The following PTPRU variants were observed in gnomAD, a reference collection of about 807,000 sequenced individuals.
PTPRU encodes protein tyrosine phosphatase receptor type U.
PTPRU carries 69 observed loss-of-function variants against 166.3 expected under a neutral mutation model. The observed-to-expected ratio is 0.41, with a 90% CI of 0.34 to 0.51. The LOEUF (loss-of-function observed/expected upper bound fraction) is 0.51. PTPRU is among the 20% of genes least tolerant of loss of function. The pLI is 0.09. For missense variants in PTPRU, 1,657 were observed against 2,013.7 expected, an observed-to-expected ratio of 0.82 and a Z score of 3.39; for synonymous variants, 793 against 814.0, an observed-to-expected ratio of 0.97 and a Z score of 0.44.
At chr1:29,243,605 C>T (rs1163155969) in intron 1 of PTPRU, among the ~76,000 whole-genome samples, 1 of 152,252 alleles carries the variant, frequency 6.6e-6, no homozygotes, top group African/African-American at 2.4e-5. Context: ...GCGAAGCCTT[C>T]CCAGCCCTCT....
intron 26 of PTPRU, 153 bp from the exon 27 acceptor site, chr1:29,323,218 G>T (rs1009295177): frequency 1.6e-5 from 16 of 1,011,190 alleles, no homozygotes; most frequent in Non-Finnish European, 2.0e-5. Context: ...GGTGGTGATT[G>T]GGGGAGCTGC....
At chr1:29,283,838 C>T in intron 12 of PTPRU, 102 bp from the exon 13 acceptor site, 1 of 1,405,194 alleles carries the variant, frequency 7.1e-7, no homozygotes, top group Non-Finnish European at 1.0e-6. Context: ...CAGCACAAGA[C>T]AAAGCCCTGA....
chr1:29,300,678 T>C (rs1255763190), intron 15 of PTPRU, among the ~76,000 whole-genome samples: 4 of 152,204 alleles, frequency 2.6e-5, no homozygotes, highest in African/African-American at 9.7e-5. Flanking sequence ...CCAGCTAAAA[T>C]ATAGGAATCA....
At chr1:29,305,219 G>A (rs1687331627) in intron 17 of PTPRU, 133 bp from the exon 18 acceptor site, 1 of 805,758 alleles carries the variant, frequency 1.2e-6, no homozygotes, top group African/African-American at 1.7e-5. Context: ...AGAGACTACT[G>A]GTAAGCCCTG....
chr1:29,275,461 C>A lies in PTPRU; in HGVS notation c.1158C>A (p.Ala386=), dbSNP rs142038734. 6.2e-7 allele frequency: 1 copy of A among 1,613,520 alleles called. No individual in the cohort carries two copies. Among genetic ancestry groups the A allele is most frequent in the Non-Finnish European group, 8.5e-7 (1 of 1,179,478 alleles). ...TGCATTCTCCAGAGCCCATGAGGGC[C>A]CCCAAAGGCCTGGCTTTTGCTGAGA... is the stretch of plus-strand genomic sequence containing the variant. The part of the protein sequence containing the change: ...SRTKCAEPMR[A]PKGLAFAEIQ... The change falls in exon 8 of 30, where the codon GCC becomes GCA. Residue 386 remains alanine, a synonymous_variant. Coordinates refer to ENST00000373779, the MANE Select transcript of PTPRU (RefSeq NM_133178.4).
At position 29,323,549 on chromosome 1, in the gene PTPRU, C is replaced by A. The variant is rs1009334247; in HGVS notation, c.3954+53C>A. Reference sequence around the variant, plus strand: ...GGACCCTGGGTGGTGGCTGGGGCAGCTTTTAATGACCCTCTGTGTCATCAG... The same window carrying A: ...GGACCCTGGGTGGTGGCTGGGGCAGATTTTAATGACCCTCTGTGTCATCAG... On this transcript the variant is annotated intron_variant, in intron 27 of 29. Coordinates refer to ENST00000373779, the MANE Select transcript of PTPRU (RefSeq NM_133178.4). 9.3e-6 allele frequency: 15 copies of A among 1,611,118 alleles called. No homozygotes were observed. In the Admixed American group the frequency reaches 2.5e-4, roughly 27 times the overall value.
At position 29,312,539 on chromosome 1, in the gene PTPRU, A is replaced by G. The variant is rs775241594; in HGVS notation, c.3073-13A>G. ...GCCAGGGACTCTGATTATTATTCCC[A>G]TTGTCTCCCCAGAGAGGCTACTCTG... On this transcript the variant is annotated splice_polypyrimidine_tract_variant and intron_variant, in intron 21 of 29. Transcript: ENST00000373779. 12 of 1,571,826 alleles carry G rather than the reference A, an allele frequency of 7.6e-6. No homozygotes were observed. In the South Asian group the frequency reaches 1.0e-4, roughly 13 times the overall value.
In PTPRU at chr1:29,259,241, G is replaced by C. The variant is rs1290149333; in HGVS notation, c.478-20G>C. Reference sequence around the variant, plus strand: ...GCTGGAGGAATATCAGTATGATAGGGGCCCTCCCGCCTCCCCCAGGTGCTG... The same window carrying C: ...GCTGGAGGAATATCAGTATGATAGGCGCCCTCCCGCCTCCCCCAGGTGCTG... On this transcript the variant is annotated intron_variant, in intron 3 of 29. Transcript: ENST00000373779. 1 of 1,607,268 alleles carries C rather than the reference G, an allele frequency of 6.2e-7. No individual in the cohort carries two copies. Among genetic ancestry groups the C allele is most frequent in the East Asian group, 2.2e-5 (1 of 44,736 alleles).
chr1:29,313,757 A>G (rs1687773507), intron 22 of PTPRU, among the ~76,000 whole-genome samples: 1 of 152,202 alleles, frequency 6.6e-6, no homozygotes, highest in East Asian at 1.9e-4. Flanking sequence ...TGTGAGGCTG[A>G]GGTGGGAAGT....
chr1:29,301,421 A>G (rs111352321), intron 15 of PTPRU, among the ~76,000 whole-genome samples: 178 of 152,356 alleles, frequency 1.2e-3, no homozygotes, highest in African/African-American at 4.1e-3. Context: ...ACATACAATT[A>G]TGTGCAGTAC....
intron 18 of PTPRU, among the ~76,000 whole-genome samples, chr1:29,308,881 T>C (rs902370376): frequency 1.3e-5 from 2 of 151,788 alleles, no homozygotes; most frequent in Middle Eastern, 3.4e-3. Context: ...AAACAAAAAT[T>C]AGTTGGATGT....
intron 19 of PTPRU, among the ~76,000 whole-genome samples, 163 bp downstream of exon 19, chr1:29,310,943 C>T (rs1179889761): frequency 1.3e-5 from 2 of 152,178 alleles, no homozygotes; most frequent in Admixed American, 6.5e-5. Flanking sequence ...GCTCCCGATT[C>T]TGCTGGATCT....
In PTPRU at chr1:29,317,835, G is replaced by A; in HGVS notation, c.3601G>A (p.Asp1201Asn). The change falls in exon 25 of 30, where the codon GAC becomes AAC. Residue 1201 changes from aspartate to asparagine, a missense_variant. By Grantham distance (23) the Asp-to-Asn change is conservative. This residue lies in a region of PTPRU where 1,190 missense variants were observed against 1,477.4 expected (regional missense o/e 0.81). Coordinates refer to ENST00000373779, the MANE Select transcript of PTPRU (RefSeq NM_133178.4). The surrounding 1 kb of genome is among the most constrained non-coding windows in gnomAD (Gnocchi z 5.6). ...PRNRDKNRSM[D>N]VLPPDRCLPF... Reference sequence around the variant, plus strand: ...GAACCGCGACAAGAACCGCAGCATGGACGTCCTGCCGCCCGACCGCTGCCT... The same window carrying A: ...GAACCGCGACAAGAACCGCAGCATGAACGTCCTGCCGCCCGACCGCTGCCT... 1.2e-6 allele frequency: 2 copies of A among 1,613,842 alleles called. No individual in the cohort carries two copies. Among genetic ancestry groups the A allele is most frequent in the Non-Finnish European group, 1.7e-6 (2 of 1,180,030 alleles).
chr1:29,283,047 G>A (rs1016731552), intron 12 of PTPRU, 98 bp downstream of exon 12: 4 of 1,503,592 alleles, frequency 2.7e-6, no homozygotes, highest in Non-Finnish European at 3.6e-6. Flanking sequence ...CTCCAGGCCC[G>A]GCACTTCCCA....
chr1:29,277,060 C>T (rs2151951705), intron 8 of PTPRU, among the ~76,000 whole-genome samples: 1 of 152,318 alleles, frequency 6.6e-6, no homozygotes, highest in Admixed American at 6.5e-5. Context: ...CTAAGAGTTA[C>T]TTAGAATTAT....
At chr1:29,266,941 C>T (rs1011114424) in intron 7 of PTPRU, among the ~76,000 whole-genome samples, 3 of 151,884 alleles carry the variant, frequency 2.0e-5, no homozygotes, top group East Asian at 1.9e-4. Flanking sequence ...ACGGTATTTG[C>T]GGGCTGGGCA....
At chr1:29,314,140 G>A (rs1275920543) in intron 22 of PTPRU, among the ~76,000 whole-genome samples, 2 of 152,202 alleles carry the variant, frequency 1.3e-5, no homozygotes, top group African/African-American at 2.4e-5. Flanking sequence ...CAGTGTGTTT[G>A]TCCATTCTGC....
intron 8 of PTPRU, 23 bp from the exon 9 acceptor site, chr1:29,278,989 C>A: frequency 1.3e-6 from 2 of 1,547,362 alleles, no homozygotes; most frequent in Non-Finnish European, 1.8e-6. Flanking sequence ...TTTCCCCTGG[C>A]CCCTGCTGCC....
At chr1:29,281,019 T>C (rs1186294403) in intron 11 of PTPRU, among the ~76,000 whole-genome samples, 1 of 152,216 alleles carries the variant, frequency 6.6e-6, no homozygotes, top group Non-Finnish European at 1.5e-5. Flanking sequence ...CTGCTGTGCC[T>C]GTACCTTTTC....
Sources: allele counts gnomAD v4.1 joint callset (sites outside exome capture counted in the v4.1 genomes callset), GRCh38; gene constraint gnomAD v4.1.1; regional missense constraint gnomAD v4.1.1; non-coding constraint Gnocchi (gnomAD v3.1); transcripts MANE v1.5; gene names NCBI Gene and HGNC (gene_info 2026-07-23, HGNC 2026-07-21).